Variants in CD86 observed in about 807,000 individuals in gnomAD.
The protein encoded by CD86 is CD86 molecule, also known as T-lymphocyte activation antigen CD86.
CD86 carries 11 observed loss-of-function variants against 32.1 expected under a neutral mutation model. The observed-to-expected ratio is 0.34, with a 90% confidence interval of 0.22 to 0.57. The LOEUF is 0.57. CD86 is among the 20% of genes least tolerant of loss of function. The pLI, the probability that CD86 is intolerant of heterozygous loss-of-function variation, is 0.86. For missense variants in CD86, 359 were observed against 398.4 expected, an observed-to-expected ratio of 0.90 and a Z score of 0.84; for synonymous variants, 137 against 135.3, an observed-to-expected ratio of 1.01 and a Z score of -0.09.
At chr3:122,109,888 T>C (rs934546092) in intron 5 of CD86, among the ~76,000 whole-genome samples, 3 of 152,334 alleles carry the variant, frequency 2.0e-5, no homozygotes, top group Admixed American at 1.3e-4. Flanking sequence ...TAACAAACAA[T>C]ATTAACTTTA....
At chr3:122,083,595 G>T (rs1379222671) in intron 1 of CD86, among the ~76,000 whole-genome samples, 1 of 152,102 alleles carries the variant, frequency 6.6e-6, no homozygotes, top group Non-Finnish European at 1.5e-5. Context: ...CAATGTTTGG[G>T]GTCAGGAATT....
At chr3:122,062,313 A>C (rs192908346) in intron 1 of CD86, among the ~76,000 whole-genome samples, 14 of 152,300 alleles carry the variant, frequency 9.2e-5, no homozygotes, top group African/African-American at 3.4e-4. Flanking sequence ...ATATGTCAAC[A>C]ATATCAAGAG....
chr3:122,062,762 A>T (rs1257172117), intron 1 of CD86, among the ~76,000 whole-genome samples: 1 of 152,214 alleles, frequency 6.6e-6, no homozygotes, highest in Non-Finnish European at 1.5e-5. Flanking sequence ...TGAGGCTACT[A>T]AGCACTTGCC....
At chr3:122,103,950 A>T in intron 3 of CD86, 103 bp downstream of exon 3, 1 of 918,346 alleles carries the variant, frequency 1.1e-6, no homozygotes, top group Non-Finnish European at 1.7e-6. Context: ...CCAGGGGAAA[A>T]GGGGGGTCTA....
At chr3:122,119,259 T>C (rs988238979) in intron 6 of CD86, among the ~76,000 whole-genome samples, 179 bp from the exon 7 acceptor site, 7 of 152,218 alleles carry the variant, frequency 4.6e-5, no homozygotes, top group Non-Finnish European at 1.0e-4. Flanking sequence ...TCTTGAAGCA[T>C]AGATGACAGT....
intron 1 of CD86, among the ~76,000 whole-genome samples, chr3:122,061,739 G>C (rs751596208): frequency 7.9e-5 from 12 of 152,314 alleles, no homozygotes; most frequent in Non-Finnish European, 1.6e-4. Flanking sequence ...TACATTGCTT[G>C]TTGGGAATGT....
intron 1 of CD86, among the ~76,000 whole-genome samples, chr3:122,072,237 A>G (rs2072498889): frequency 6.7e-6 from 1 of 149,036 alleles, no homozygotes. Flanking sequence ...TCCTTTGGGT[A>G]TATACCCAGT....
chr3:122,084,445 A>G (rs2072683939), intron 1 of CD86, among the ~76,000 whole-genome samples: 1 of 152,260 alleles, frequency 6.6e-6, no homozygotes, highest in African/African-American at 2.4e-5. Context: ...GCCATAGATA[A>G]TAATTTACAA....
chr3:122,064,504 C>T (rs569029114), intron 1 of CD86, among the ~76,000 whole-genome samples: 3 of 152,090 alleles, frequency 2.0e-5, no homozygotes, highest in Non-Finnish European at 4.4e-5. Context: ...CTGTGGTTTA[C>T]GTACAGCTCC....
intron 1 of CD86, among the ~76,000 whole-genome samples, chr3:122,056,062 G>A (rs1335102319): frequency 6.6e-6 from 1 of 152,176 alleles, no homozygotes; most frequent in African/African-American, 2.4e-5. Flanking sequence ...TGCATGATGT[G>A]CTGGGTACTT....
intron 1 of CD86, among the ~76,000 whole-genome samples, chr3:122,069,282 TAA>T (rs35736887): frequency 1.4e-5 from 2 of 144,664 alleles, no homozygotes; most frequent in Non-Finnish European, 1.5e-5. Flanking sequence ...TGAAGGAAAT[TAA>T]AAAAAAAAAA....
rs916624078 is a variant in CD86 at position 122,103,843 on chromosome 3, G to C, written c.396G>C (p.Val132=). Residue 132 remains valine (V), a synonymous_variant, in exon 3 of 7, where the codon GTG becomes GTC. Transcript: ENST00000330540. ...ACCAGATGAATTCTGAACTGTCAGT[G>C]CTTGGTATGTGGTCAATGGTGTGTG... ...RIHQMNSELS[V]LANFSQPEIV... 1.2e-6 allele frequency: 2 copies of C among 1,611,322 alleles called. No homozygotes were observed. The highest frequency in any genetic ancestry group is 1.3e-5 in the African/African-American group (1 of 74,808).
Position 122,103,544 on chromosome 3 carries a change from A to G in CD86, c.97A>G (p.Asn33Asp). The stretch of plus-strand genomic sequence containing the variant: ...TCCTCTGAAGATTCAAGCTTATTTC[A>G]ATGAGACTGCAGACCTGCCATGCCA... The part of the protein sequence containing the change: ...AAPLKIQAYF[N>D]ETADLPCQFA... Residue 33 changes from asparagine to aspartate, a missense_variant, in exon 3 of 7, where the codon AAT becomes GAT. Asn to Asp is a conservative substitution (Grantham distance 23). Transcript: ENST00000330540. 6.2e-7 allele frequency: 1 copy of G among 1,613,392 alleles called. No homozygotes were observed. The highest frequency in any genetic ancestry group is 8.5e-7 in the Non-Finnish European group (1 of 1,179,624).
chr3:122,101,510 AAAAATATATATATAT>A (rs1218702213), intron 2 of CD86, among the ~76,000 whole-genome samples: 24 of 28,664 alleles, frequency 8.4e-4, no homozygotes, highest in South Asian at 5.4e-3. Flanking sequence ...AAAAAAAAAA[AAAAATATATATATAT>A]ATATATATAT....
Position 122,103,512 on chromosome 3 carries a change from G to A in CD86, c.65G>A (p.Gly22Asp). Residue 22 changes from glycine to aspartate, a missense_variant and splice_region_variant, in exon 3 of 7, where the codon GGT becomes GAT. Physicochemically the swap from Gly to Asp is moderately conservative, Grantham distance 94 (BLOSUM62 -1). Coordinates refer to ENST00000330540, the MANE Select transcript of CD86 (RefSeq NM_175862.5). ...ILFVMAFLLS[G>D]AAPLKIQAYF... ...CCTAATCCTTAACCTTCTTTTTTAG[G>A]TGCTGCTCCTCTGAAGATTCAAGCT... 1 of 1,601,186 alleles carries A rather than the reference G, an allele frequency of 6.2e-7. No individual in the cohort carries two copies. The highest frequency in any genetic ancestry group is 1.1e-5 in the South Asian group (1 of 88,652).
intron 5 of CD86, among the ~76,000 whole-genome samples, chr3:122,112,861 GT>G (rs2073196522): frequency 1.3e-5 from 2 of 151,986 alleles, no homozygotes; most frequent in South Asian, 2.1e-4. Context: ...TATTTGAATA[GT>G]TTTTTGGGAA....
At chr3:122,068,960 C>T (rs929868949) in intron 1 of CD86, among the ~76,000 whole-genome samples, 6 of 152,246 alleles carry the variant, frequency 3.9e-5, no homozygotes, top group East Asian at 1.9e-4. Flanking sequence ...AGAGATATAT[C>T]GAGAAAACTA....
intron 1 of CD86, among the ~76,000 whole-genome samples, chr3:122,083,377 G>A (rs1169568272): frequency 6.6e-6 from 1 of 152,048 alleles, no homozygotes; most frequent in Non-Finnish European, 1.5e-5. Flanking sequence ...TTGGCCACAG[G>A]GACCTCCTCG....
intron 1 of CD86, among the ~76,000 whole-genome samples, chr3:122,090,587 T>G (rs1030713677): frequency 3.3e-5 from 5 of 152,186 alleles, no homozygotes; most frequent in Non-Finnish European, 5.9e-5. Flanking sequence ...TTTGGTTTGC[T>G]TTTCCACCTG....
Sources: gnomAD v4.1 joint callset for allele counts (sites outside exome capture counted in the v4.1 genomes callset) on GRCh38, gnomAD v4.1.1 for gene constraint, MANE v1.5 for transcripts, NCBI Gene and HGNC (gene_info 2026-07-23, HGNC 2026-07-21) for gene names.